The following WDR25 variants were observed in gnomAD, a reference collection of about 807,000 sequenced individuals.
WDR25 encodes the protein WD repeat domain 25.
In WDR25, 35 loss-of-function variants were observed where a neutral mutation model predicts 47.7. The ratio of observed to expected loss-of-function variants is 0.73; its 90% CI spans 0.56 to 0.97. The LOEUF is 0.97. Among genes scored for constraint, WDR25 ranks in the 50% least tolerant of loss-of-function variants. WDR25 has a pLI of 0.00. For missense variants in WDR25, 634 were observed against 704.7 expected, an observed-to-expected ratio of 0.90 and a Z score of 1.14; for synonymous variants, 248 against 278.9, an observed-to-expected ratio of 0.89 and a Z score of 1.10.
At position 100,468,544 on chromosome 14, in the gene WDR25, G is replaced by A. The variant is rs886431042; in HGVS notation, c.970+376G>A. On this transcript the variant is annotated intron_variant, in intron 3 of 6. Coordinates refer to ENST00000402312, the MANE Select transcript of WDR25 (RefSeq NM_001161476.3). The surrounding 1 kb of genome is among the most constrained non-coding windows in gnomAD (Gnocchi z 4.5). ...TTAGAATTCCTGTCAATTCATTATC[G>A]TTGAAAGTCTGTGAGAAATGATTCC... is the stretch of plus-strand genomic sequence containing the variant. Among the ~76,000 whole-genome samples the A allele has an allele frequency of 9.2e-5, 14 of 152,190 alleles. No homozygotes were observed. Among genetic ancestry groups the A allele is most frequent in the African/African-American group, 1.7e-4 (7 of 41,432 alleles).
chr14:100,467,867 C>T (rs138280030), intron 2 of WDR25, among the ~76,000 whole-genome samples, 154 bp from the exon 3 acceptor site: 7 of 152,216 alleles, frequency 4.6e-5, no homozygotes, highest in Admixed American at 1.3e-4. Flanking sequence ...TACATTTCTG[C>T]AATGAAAAGT....
Position 100,468,296 on chromosome 14 carries a change from C to T in WDR25, c.970+128C>T. 7.2e-7 allele frequency: 1 copy of T among 1,389,876 alleles called. No individual in the cohort carries two copies. The highest frequency in any genetic ancestry group is 1.4e-5 in the South Asian group (1 of 71,354). 86.1% of individuals were successfully genotyped at this position (1,389,876 alleles called of 1,614,324 possible). A position where few individuals can be genotyped will look rare whatever the true frequency, so the allele number is the denominator to read the frequency against. Reference sequence around the variant, plus strand: ...AGAGGGAGAGGGGCCTCAGGGTGGGCTCGTGCTCGGTGAGAGGGCTTCCAG... The same window carrying T: ...AGAGGGAGAGGGGCCTCAGGGTGGGTTCGTGCTCGGTGAGAGGGCTTCCAG... On this transcript the variant is annotated intron_variant, in intron 3 of 6. Coordinates refer to ENST00000402312, the MANE Select transcript of WDR25 (RefSeq NM_001161476.3). This position sits in a 1 kb window ranked among gnomAD's most constrained non-coding sequence, Gnocchi z 4.5.
intron 2 of WDR25, among the ~76,000 whole-genome samples, chr14:100,403,416 T>C (rs1897438836): frequency 6.6e-6 from 1 of 152,228 alleles, no homozygotes; most frequent in South Asian, 2.1e-4. Flanking sequence ...ATTGGGATCG[T>C]TGGGACTCCT....
At chr14:100,469,435 T>C (rs1899754684) in intron 3 of WDR25, among the ~76,000 whole-genome samples, 1 of 152,152 alleles carries the variant, frequency 6.6e-6, no homozygotes, top group South Asian at 2.1e-4. Context: ...ATTATTTCCA[T>C]TTTAAAGGAG....
chr14:100,517,907 C>A (rs1901561073), intron 4 of WDR25, among the ~76,000 whole-genome samples: 1 of 152,170 alleles, frequency 6.6e-6, no homozygotes, highest in Admixed American at 6.5e-5. Context: ...CTTTTTACCC[C>A]CTACCCTGTA....
chr14:100,453,521 C>G (rs920558681), intron 2 of WDR25, among the ~76,000 whole-genome samples: 8 of 152,250 alleles, frequency 5.3e-5, no homozygotes, highest in Non-Finnish European at 1.2e-4. Context: ...ATGCTCAATA[C>G]ATGATTATTG....
chr14:100,417,303 A>G (rs1420234181), intron 2 of WDR25, among the ~76,000 whole-genome samples: 1 of 152,260 alleles, frequency 6.6e-6, no homozygotes, highest in African/African-American at 2.4e-5. Context: ...GCTGCTTAGT[A>G]GGACACTTGG....
At chr14:100,419,285 G>A (rs151043911) in intron 2 of WDR25, among the ~76,000 whole-genome samples, 1 of 151,844 alleles carries the variant, frequency 6.6e-6, no homozygotes, top group Non-Finnish European at 1.5e-5. Flanking sequence ...GCTTCCTGGG[G>A]CCTCGCTCCT....
chr14:100,484,237 C>T, intron 4 of WDR25, 113 bp downstream of exon 4: 1 of 1,202,574 alleles, frequency 8.3e-7, no homozygotes, highest in South Asian at 1.8e-5. Context: ...GGAATAATTA[C>T]CACTTAATAT....
In WDR25 at chr14:100,491,627, T is replaced by C. The variant is rs187167136; in HGVS notation, c.1101+7503T>C. ...ATGTTCACGCAATGACAAAATCGCC[T>C]GATGACGCATTTCCCAGACTGTATC... On this transcript the variant is annotated intron_variant, in intron 4 of 6. Coordinates refer to ENST00000402312, the MANE Select transcript of WDR25 (RefSeq NM_001161476.3). 2.6e-5 allele frequency among the ~76,000 whole-genome samples: 4 copies of C among 152,350 alleles called. No individual in the cohort carries two copies. In the South Asian group the frequency reaches 6.2e-4, roughly 24 times the overall value.
At chr14:100,477,285 A>G (rs145000980) in intron 3 of WDR25, among the ~76,000 whole-genome samples, 33 of 152,242 alleles carry the variant, frequency 2.2e-4, no homozygotes, top group East Asian at 1.2e-3. Context: ...TGCTTTAACA[A>G]TTTTTTTATT....
At chr14:100,519,829 A>G (rs1260690147) in intron 4 of WDR25, among the ~76,000 whole-genome samples, 6 of 135,840 alleles carry the variant, frequency 4.4e-5, no homozygotes, top group Non-Finnish European at 4.6e-5. Flanking sequence ...CTATATGTAT[A>G]TATAGTATAT....
intron 2 of WDR25, among the ~76,000 whole-genome samples, chr14:100,408,089 T>A (rs1490905788): frequency 6.6e-6 from 1 of 152,016 alleles, no homozygotes; most frequent in Non-Finnish European, 1.5e-5. Flanking sequence ...CTTGGGGACT[T>A]CTGAGGGATG....
intron 4 of WDR25, chr14:100,504,572 C>G (rs1901049683): frequency 6.6e-6 from 1 of 152,174 alleles, no homozygotes; most frequent in Non-Finnish European, 1.5e-5. Flanking sequence ...TTCCTTGTTG[C>G]TGAGTCATAG....
At chr14:100,413,415 CTTTT>C (rs563468543) in intron 2 of WDR25, among the ~76,000 whole-genome samples, 1 of 140,338 alleles carries the variant, frequency 7.1e-6, no homozygotes, top group African/African-American at 2.6e-5. Context: ...TTTGCCATTA[CTTTT>C]TTTTTTTTTT....
At position 100,493,302 on chromosome 14, in the gene WDR25, G is replaced by T. The variant is rs112067384; in HGVS notation, c.1101+9178G>T. Reference sequence around the variant, plus strand: ...CCATGCCTATCCCCCCAGTGCCCCAGCCCCTGGCAACCATAAATCTACTCT... The same window carrying T: ...CCATGCCTATCCCCCCAGTGCCCCATCCCCTGGCAACCATAAATCTACTCT... On this transcript the variant is annotated intron_variant, in intron 4 of 6. Transcript: ENST00000402312. Among the ~76,000 whole-genome samples the T allele has an allele frequency of 5.8e-4, 89 of 152,178 alleles. 2 individuals carry two copies. Among genetic ancestry groups the T allele is most frequent in the African/African-American group, 2.0e-3 (83 of 41,510 alleles).
intron 4 of WDR25, among the ~76,000 whole-genome samples, chr14:100,510,437 TA>T (rs1901268673): frequency 6.6e-6 from 1 of 151,566 alleles, no homozygotes; most frequent in East Asian, 1.9e-4. Context: ...TCGGCTAATT[TA>T]AAAAAAATTT....
chr14:100,459,894 GTATATATATATATATATATATATATA>G (rs61706956), intron 2 of WDR25, among the ~76,000 whole-genome samples: 1,364 of 78,318 alleles, frequency 0.017, 65 homozygotes, highest in Non-Finnish European at 0.031. Flanking sequence ...GTGTGTGTGT[GTATATATATATATATATATATATATA>G]TATATATATA....
chr14:100,496,627 A>T (rs2140340167), intron 4 of WDR25, among the ~76,000 whole-genome samples: 1 of 152,222 alleles, frequency 6.6e-6, no homozygotes. Flanking sequence ...TCCTCTCAGC[A>T]CTACTTCATC....
Sources: allele counts gnomAD v4.1 joint callset (sites outside exome capture counted in the v4.1 genomes callset), GRCh38; gene constraint gnomAD v4.1.1; non-coding constraint Gnocchi (gnomAD v3.1); transcripts MANE v1.5; gene names NCBI Gene and HGNC (gene_info 2026-07-23, HGNC 2026-07-21).